DDB1: variants seen among roughly 807,000 people sequenced by gnomAD.
The protein encoded by DDB1 is damage specific DNA binding protein 1.
In DDB1, 18 loss-of-function variants were observed where a neutral mutation model predicts 133.1. The observed-to-expected ratio is 0.14, with a 90% CI of 0.09 to 0.20. The LOEUF is 0.20. Among genes scored for constraint, DDB1 ranks in the 10% least tolerant of loss-of-function variants. The pLI is 1.00. For synonymous variants in DDB1, 580 were observed against 550.5 expected (o/e 1.05, Z -0.75); for missense variants, 828 against 1,459.2 (o/e 0.57, Z 7.05).
chr11:61,309,621 C>T (rs1855929757), intron 20 of DDB1, among the ~76,000 whole-genome samples, 175 bp downstream of exon 20: 1 of 151,642 alleles, frequency 6.6e-6, no homozygotes, highest in South Asian at 2.1e-4. Context: ...CTAAATTTTA[C>T]TGTGTACTGT....
Position 61,314,402 on chromosome 11 carries a change from T to C in DDB1, c.1495A>G (p.Ser499Gly), listed in dbSNP as rs1856031690. The C allele has an allele frequency of 6.2e-7, 1 of 1,614,114 alleles. No homozygotes were observed. Among genetic ancestry groups the C allele is most frequent in the Non-Finnish European group, 8.5e-7 (1 of 1,180,048 alleles). ...TGGCTGCTATTGCAGGAGGCCACAC[T>C]GATGTTCTTGGCCTGAGGCTCCTTC... ...EWKEPQAKNI[S>G]VASCNSSQVV... The change falls in exon 13 of 27, where the codon AGT becomes GGT. Residue 499 changes from serine (S) to glycine (G), a missense_variant. Physicochemically the swap from Ser to Gly is moderately conservative, Grantham distance 56. This residue lies in a region of DDB1 where 396 missense variants were observed against 554.1 expected (regional missense o/e 0.71). Transcript: ENST00000301764.
At chr11:61,306,502 A>G (rs1237412869) in intron 21 of DDB1, among the ~76,000 whole-genome samples, 3 of 152,108 alleles carry the variant, frequency 2.0e-5, no homozygotes, top group Admixed American at 1.3e-4. Flanking sequence ...ACAACCTCCT[A>G]TAAGTCTTGA....
intron 5 of DDB1, 166 bp from the exon 6 acceptor site, chr11:61,325,874 G>C: frequency 2.9e-6 from 2 of 691,476 alleles, no homozygotes. Flanking sequence ...GAGACTCTTA[G>C]AATTTGTTAA....
chr11:61,312,651 C>T (rs1274713981), intron 16 of DDB1, among the ~76,000 whole-genome samples: 4 of 151,640 alleles, frequency 2.6e-5, no homozygotes, highest in Admixed American at 6.6e-5. Context: ...CAGGCTGGAG[C>T]GCAATGGTGG....
chr11:61,300,146 C>T lies in DDB1; in HGVS notation c.3413G>A (p.Arg1138Gln), dbSNP rs1211666818. ...DLIKVVEELT[R>Q]IH ...GCCCCCTGCCCTTGGCTAATGGATCCGAGTTAGCTCCTCCACAACCTTGAT... is the reference window on the plus strand; with the variant it reads ...GCCCCCTGCCCTTGGCTAATGGATCTGAGTTAGCTCCTCCACAACCTTGAT... Residue 1138 changes from arginine (R) to glutamine (Q), a missense_variant, in exon 27 of 27, where the codon CGG becomes CAG. Transcript: ENST00000301764. 4.3e-6 allele frequency: 7 copies of T among 1,614,106 alleles called. No individual in the cohort carries two copies. The highest frequency in any genetic ancestry group is 1.3e-5 in the African/African-American group (1 of 75,040).
At chr11:61,301,371 G>A (rs1325811320) in intron 25 of DDB1, 4 of 153,740 alleles carry the variant, frequency 2.6e-5, no homozygotes, top group South Asian at 2.0e-4. Flanking sequence ...AGACCAAACC[G>A]GGGCAACATC....
At chr11:61,326,728 G>T in intron 5 of DDB1, 51 bp downstream of exon 5, 1 of 1,460,776 alleles carries the variant, frequency 6.8e-7, no homozygotes, top group Non-Finnish European at 9.6e-7. Context: ...ACAAGAACAG[G>T]GAACTAGCCT....
In DDB1 at chr11:61,326,664, C is replaced by T. The variant is rs963748738; in HGVS notation, c.664+115G>A. On this transcript the variant is annotated intron_variant, in intron 5 of 26. Coordinates refer to ENST00000301764, the MANE Select transcript of DDB1 (RefSeq NM_001923.5). ...ACATAAAGGAGTGGTAAACAATGCA[C>T]ACCTTCAATAATACCGAGCGCCAAA... 6.1e-6 allele frequency: 5 copies of T among 824,382 alleles called. No homozygotes were observed. In the African/African-American group the frequency reaches 8.4e-5, roughly 14 times the overall value. The allele number at this position is 824,382 out of a possible 1,614,324, so 51.1% of individuals were successfully genotyped here.
rs1019857146 is a variant in DDB1 at position 61,327,446 on chromosome 11, G to GA, written c.550-554dup. ...GGCGACCGAGCAAGACTCCATCTCA[G>GA]AAAAAAAAAAAAAAGAGATACAGTG... On this transcript the variant is annotated intron_variant, in intron 4 of 26. Coordinates refer to ENST00000301764, the MANE Select transcript of DDB1 (RefSeq NM_001923.5). The GA allele has an allele frequency of 9.1e-3, 1,210 of 132,832 alleles. 1 individual carries two copies. The highest frequency in any genetic ancestry group is 0.013 in the Non-Finnish European group (803 of 61,930). The allele number at this position is 132,832 out of a possible 1,614,324, so 8.2% of individuals were successfully genotyped here.
At chr11:61,321,967 C>T in intron 9 of DDB1, 1 of 548,118 alleles carries the variant, frequency 1.8e-6, no homozygotes, top group Non-Finnish European at 3.2e-6. Flanking sequence ...AGAATGAGCA[C>T]AGGATCTGTT....
chr11:61,332,156 C>T (rs1207430336), intron 1 of DDB1: 2 of 163,060 alleles, frequency 1.2e-5, no homozygotes, highest in East Asian at 1.7e-4. Context: ...GTCCACACCC[C>T]CTGCCCTCCT....
At chr11:61,325,824 A>T (rs1856260516) in intron 5 of DDB1, 116 bp from the exon 6 acceptor site, 1 of 792,226 alleles carries the variant, frequency 1.3e-6, no homozygotes, top group African/African-American at 1.7e-5. Context: ...TCATTATTTT[A>T]AAAAGGACAT....
intron 4 of DDB1, among the ~76,000 whole-genome samples, chr11:61,328,635 G>A (rs757796127): frequency 6.6e-5 from 10 of 152,204 alleles, no homozygotes; most frequent in African/African-American, 2.2e-4. Context: ...CACTTTGGGA[G>A]GCCGAGGCAG....
chr11:61,300,131 C>T lies in DDB1; in HGVS notation c.*5G>A. On this transcript the variant is annotated 3_prime_UTR_variant, in exon 27 of 27. Coordinates refer to ENST00000301764, the MANE Select transcript of DDB1 (RefSeq NM_001923.5). The stretch of plus-strand genomic sequence containing the variant: ...AGGGTCAGCAAAGGGGCCCCCTGCC[C>T]TTGGCTAATGGATCCGAGTTAGCTC... 1.2e-6 allele frequency: 2 copies of T among 1,614,026 alleles called. No individual in the cohort carries two copies. Among genetic ancestry groups the T allele is most frequent in the Middle Eastern group, 3.4e-4 (2 of 5,966 alleles).
rs1057417496 is a variant in DDB1, at chr11:61,322,588, A to C, written c.1006-176T>G. The C allele has an allele frequency of 8.0e-5, 48 of 598,272 alleles. No individual in the cohort carries two copies. The East Asian group carries it at 1.3e-3, about 16-fold the overall frequency. 37.1% of individuals were successfully genotyped at this position (598,272 alleles called of 1,614,324 possible). On this transcript the variant is annotated intron_variant, in intron 8 of 26. Transcript: ENST00000301764. ...TGACGAAAGAATATGGTTGTCCCAC[A>C]GGTGACCCATTAATCAGCCAAGGAT... is the stretch of plus-strand genomic sequence containing the variant.
intron 8 of DDB1, 91 bp from the exon 9 acceptor site, chr11:61,322,503 T>C: frequency 1.0e-6 from 1 of 960,574 alleles, no homozygotes; most frequent in Non-Finnish European, 1.7e-6. Flanking sequence ...AAACTCTCAA[T>C]AACTAGTTTC....
Position 61,309,962 on chromosome 11 carries a change from TAG to T in DDB1, c.2402-4_2402-3del, listed in dbSNP as rs771064283. The T allele has an allele frequency of 6.2e-6, 10 of 1,614,050 alleles. No individual in the cohort carries two copies. In the East Asian group the frequency reaches 1.1e-4, roughly 18 times the overall value. Reference sequence around the variant, plus strand: ...GCAGAAACTGGTGGGCATGAAGCACTAGAGAGTAGAGAGATGACTACGTGATG... The same window carrying T: ...GCAGAAACTGGTGGGCATGAAGCACTAGAGTAGAGAGATGACTACGTGATG... On this transcript the variant is annotated splice_region_variant and splice_polypyrimidine_tract_variant and intron_variant, in intron 19 of 26. Coordinates refer to ENST00000301764, the MANE Select transcript of DDB1 (RefSeq NM_001923.5).
intron 10 of DDB1, 21 bp downstream of exon 10, chr11:61,321,574 T>C (rs769085814): frequency 5.0e-6 from 8 of 1,611,598 alleles, no homozygotes; most frequent in South Asian, 1.1e-5. Context: ...ATCTACATCC[T>C]ATGCCCACCA....
Position 61,330,035 on chromosome 11 carries a change from A to T in DDB1, c.250T>A (p.Tyr84Asn). 1.2e-6 allele frequency: 2 copies of T among 1,613,852 alleles called. No individual in the cohort carries two copies. The highest frequency in any genetic ancestry group is 1.7e-6 in the Non-Finnish European group (2 of 1,179,778). Residue 84 changes from tyrosine (Y) to asparagine (N), a missense_variant, in exon 3 of 27, where the codon TAC becomes AAC. By Grantham distance (143) the Tyr-to-Asn change is moderately radical (BLOSUM62 -2). Transcript: ENST00000301764. ...TTATACTCCAGGATGCAGGCATTGT[A>T]CTTCGCTGTCAAGATAAACAGCAGG... is the stretch of plus-strand genomic sequence containing the variant. The part of the protein sequence containing the change: ...KDLLFILTAK[Y>N]NACILEYKQS...
Sources: gnomAD v4.1 joint callset for allele counts (sites outside exome capture counted in the v4.1 genomes callset) on GRCh38, gnomAD v4.1.1 for gene constraint, gnomAD v4.1.1 regional missense constraint, MANE v1.5 for transcripts, NCBI Gene and HGNC (gene_info 2026-07-23, HGNC 2026-07-21) for gene names.